The following MSI2 variants were observed in gnomAD, a reference collection of about 807,000 sequenced individuals.
The protein encoded by MSI2 is musashi RNA binding protein 2.
Under a neutral mutation model 45.6 loss-of-function variants are expected in MSI2, and 17 were observed. The observed-to-expected ratio is 0.37, with a 90% CI of 0.26 to 0.56. The LOEUF (loss-of-function observed/expected upper bound fraction) is 0.56. Among genes scored for constraint, MSI2 ranks in the 20% least tolerant of loss-of-function variants. MSI2 has a pLI of 0.77. For missense variants in MSI2, 293 were observed against 444.2 expected, an observed-to-expected ratio of 0.66 and a Z score of 3.06; for synonymous variants, 156 against 158.2, an observed-to-expected ratio of 0.99 and a Z score of 0.11.
At chr17:57,563,746 G>GCACACACACA (rs61342598) in intron 7 of MSI2, among the ~76,000 whole-genome samples, 1,474 of 139,354 alleles carry the variant, frequency 0.011, 29 homozygotes, top group African/African-American at 0.032. Context: ...ACACAGGCGC[G>GCACACACACA]CACACACACA....
At chr17:57,412,063 C>A (rs2084207992) in intron 6 of MSI2, among the ~76,000 whole-genome samples, 2 of 151,930 alleles carry the variant, frequency 1.3e-5, no homozygotes, top group African/African-American at 4.8e-5. Context: ...GTCACTCTGA[C>A]CTTCCTCTCT....
intron 8 of MSI2, among the ~76,000 whole-genome samples, chr17:57,603,187 C>T (rs1352807619): frequency 6.6e-6 from 1 of 152,224 alleles, no homozygotes; most frequent in Non-Finnish European, 1.5e-5. Context: ...CTCTCAGTGC[C>T]AGAGACTGCT....
intron 6 of MSI2, among the ~76,000 whole-genome samples, chr17:57,436,229 T>C (rs537246642): frequency 3.9e-5 from 6 of 152,276 alleles, no homozygotes; most frequent in African/African-American, 1.2e-4. Flanking sequence ...TCTCTCAATA[T>C]GTTGATCTGT....
In MSI2 at chr17:57,397,449, G is replaced by A. The variant is rs535677633; in HGVS notation, c.313-3930G>A. On this transcript the variant is annotated intron_variant, in intron 5 of 13. Transcript: ENST00000284073. ...CATATACATGTGTGTGCACCCTCACGTGTCCATAGAAACCTTGCATAGTAT... is the reference window on the plus strand; with the variant it reads ...CATATACATGTGTGTGCACCCTCACATGTCCATAGAAACCTTGCATAGTAT... 7.2e-5 allele frequency among the ~76,000 whole-genome samples: 11 copies of A among 152,286 alleles called. No homozygotes were observed. The East Asian group carries it at 1.5e-3, about 21-fold the overall frequency.
intron 7 of MSI2, among the ~76,000 whole-genome samples, chr17:57,579,143 A>G (rs1191954411): frequency 6.6e-6 from 1 of 152,208 alleles, no homozygotes; most frequent in Non-Finnish European, 1.5e-5. Flanking sequence ...GTGAATTTGG[A>G]TATAATAAAG....
At chr17:57,415,962 A>G (rs957752070) in intron 6 of MSI2, among the ~76,000 whole-genome samples, 2 of 152,192 alleles carry the variant, frequency 1.3e-5, no homozygotes, top group Admixed American at 1.3e-4. Flanking sequence ...TGAAGTGAAT[A>G]TGGCAAGGAG....
rs565335437 is a variant in MSI2, at chr17:57,606,954, G to T, written c.538-9016G>T. ...GAGGGAGCAGGGGTTTTGAAGCTGG[G>T]GGTCTATGATTGGATTCTGACTGTG... On this transcript the variant is annotated intron_variant, in intron 8 of 13. Transcript: ENST00000284073. 2.0e-5 allele frequency among the ~76,000 whole-genome samples: 3 copies of T among 152,062 alleles called. No homozygotes were observed. The East Asian group carries it at 5.9e-4, about 30-fold the overall frequency.
intron 5 of MSI2, among the ~76,000 whole-genome samples, chr17:57,376,705 C>G (rs1205911957): frequency 6.6e-6 from 1 of 152,202 alleles, no homozygotes; most frequent in African/African-American, 2.4e-5. Context: ...TTGGCTCAAA[C>G]TTAGCCTTTC....
intron 6 of MSI2, among the ~76,000 whole-genome samples, chr17:57,514,439 C>T (rs1013103097): frequency 6.6e-6 from 1 of 152,152 alleles, no homozygotes; most frequent in African/African-American, 2.4e-5. Context: ...TCCCTGGTCC[C>T]AATTTGAATT....
intron 12 of MSI2, among the ~76,000 whole-genome samples, chr17:57,675,486 G>A (rs1317869457): frequency 6.6e-6 from 1 of 152,174 alleles, no homozygotes; most frequent in African/African-American, 2.4e-5. Flanking sequence ...AGGATTATTC[G>A]AAACAGTGTC....
chr17:57,695,595 G>C, the MSI2 span, among the ~76,000 whole-genome samples: 2 of 152,032 alleles, frequency 1.3e-5, no homozygotes, highest in Non-Finnish European at 2.9e-5. Context: ...ATCAGTCAGG[G>C]TCTCATCAGG....
chr17:57,425,800 G>A (rs184223576), intron 6 of MSI2, among the ~76,000 whole-genome samples: 20 of 152,268 alleles, frequency 1.3e-4, no homozygotes, highest in Admixed American at 8.5e-4. Flanking sequence ...ATAATAATAC[G>A]TTTTACAATT....
intron 5 of MSI2, among the ~76,000 whole-genome samples, chr17:57,303,233 A>T (rs971803778): frequency 6.6e-6 from 1 of 152,160 alleles, no homozygotes. Context: ...TAGACCTTTG[A>T]TGTTCTGGAA....
intron 6 of MSI2, among the ~76,000 whole-genome samples, chr17:57,503,821 G>A (rs918535036): frequency 2.0e-5 from 3 of 152,222 alleles, no homozygotes; most frequent in East Asian, 1.9e-4. Flanking sequence ...CGCGGCTCAC[G>A]ACAACCTCCG....
chr17:57,477,199 TGTC>T, intron 6 of MSI2, among the ~76,000 whole-genome samples: 3 of 107,826 alleles, frequency 2.8e-5, no homozygotes, highest in Admixed American at 1.0e-4. Flanking sequence ...TGTGTGTGTG[TGTC>T]GGAGGGTGAG....
chr17:57,614,372 A>C (rs1907476374), intron 8 of MSI2, among the ~76,000 whole-genome samples: 1 of 152,158 alleles, frequency 6.6e-6, no homozygotes, highest in African/African-American at 2.4e-5. Context: ...CTGTTTAAAC[A>C]ATGTATATTG....
intron 8 of MSI2, among the ~76,000 whole-genome samples, chr17:57,607,881 T>C (rs763593458): frequency 5.3e-5 from 8 of 151,980 alleles, no homozygotes; most frequent in Non-Finnish European, 1.0e-4. Flanking sequence ...TGCCACACAT[T>C]TTTAAGCAAC....
At chr17:57,344,469 G>A (rs1437597483) in intron 5 of MSI2, among the ~76,000 whole-genome samples, 1 of 152,176 alleles carries the variant, frequency 6.6e-6, no homozygotes, top group Non-Finnish European at 1.5e-5. Context: ...AGCTCATCTT[G>A]TGTCTCCCCT....
At position 57,683,483 on chromosome 17, in the gene MSI2, C is replaced by T. The variant is rs1913735155; in HGVS notation, c.*3966C>T. 4.4e-6 allele frequency: 1 copy of T among 229,688 alleles called. No individual in the cohort carries two copies. The highest frequency in any genetic ancestry group is 2.2e-5 in the African/African-American group (1 of 45,166). 14.2% of individuals were successfully genotyped at this position (229,688 alleles called of 1,614,324 possible). A position where few individuals can be genotyped will look rare whatever the true frequency, so the allele number is the denominator to read the frequency against. Reference sequence around the variant, plus strand: ...CTCCACACTGCTTCATTCTGCCATTCACTCACTGCAGCATATTCAAGAATA... The same window carrying T: ...CTCCACACTGCTTCATTCTGCCATTTACTCACTGCAGCATATTCAAGAATA... On this transcript the variant is annotated 3_prime_UTR_variant, in exon 14 of 14. Coordinates refer to ENST00000284073, the MANE Select transcript of MSI2 (RefSeq NM_138962.4). This position sits in a 1 kb window ranked among gnomAD's most constrained non-coding sequence, Gnocchi z 5.2.
Sources: allele counts gnomAD v4.1 joint callset (sites outside exome capture counted in the v4.1 genomes callset), GRCh38; gene constraint gnomAD v4.1.1; non-coding constraint Gnocchi (gnomAD v3.1); transcripts MANE v1.5; gene names NCBI Gene and HGNC (gene_info 2026-07-23, HGNC 2026-07-21).